Variants in EXOC6 observed in about 807,000 individuals in gnomAD.
EXOC6 encodes SEC15-like 1.
EXOC6 carries 60 observed loss-of-function variants against 112.5 expected under a neutral mutation model. That is an observed-to-expected ratio of 0.53 (90% CI 0.43 to 0.66). The LOEUF is 0.66. Among genes scored for constraint, EXOC6 ranks in the 30% least tolerant of loss-of-function variants. The pLI is 0.00. For missense variants in EXOC6, 855 were observed against 957.1 expected, an observed-to-expected ratio of 0.89 and a Z score of 1.41; for synonymous variants, 295 against 308.0, an observed-to-expected ratio of 0.96 and a Z score of 0.44.
chr10:92,963,189 A>C (rs1255487906), intron 17 of EXOC6, among the ~76,000 whole-genome samples: 1 of 152,210 alleles, frequency 6.6e-6, no homozygotes, highest in Non-Finnish European at 1.5e-5. Context: ...GTTTAAAATA[A>C]TGTTTGGTTT....
intron 12 of EXOC6, 79 bp downstream of exon 12, chr10:92,935,964 A>T: frequency 1.1e-6 from 1 of 879,114 alleles, no homozygotes. Context: ...CATTTATGTT[A>T]TTGTAGATTA....
At chr10:92,866,694 A>G (rs1008894674) in intron 1 of EXOC6, among the ~76,000 whole-genome samples, 2 of 152,040 alleles carry the variant, frequency 1.3e-5, no homozygotes, top group Non-Finnish European at 1.5e-5. Flanking sequence ...TGTGTTTAGG[A>G]AAAAAAATCT....
chr10:92,944,923 C>A (rs1852892075), intron 13 of EXOC6, among the ~76,000 whole-genome samples: 1 of 152,092 alleles, frequency 6.6e-6, no homozygotes. Context: ...CAGGCCTGCA[C>A]CACCACGTCC....
rs142317343 is a variant in EXOC6 at position 92,946,847 on chromosome 10, CTCTG to C, written c.1311-1423_1311-1420del. Among the ~76,000 whole-genome samples the C allele has an allele frequency of 3.8e-3, 579 of 152,340 alleles. 1 individual carries two copies. Among genetic ancestry groups the C allele is most frequent in the African/African-American group, 0.012 (507 of 41,580 alleles). On this transcript the variant is annotated intron_variant, in intron 13 of 21. Coordinates refer to ENST00000260762, the MANE Select transcript of EXOC6 (RefSeq NM_019053.6). ...AAAGACCCTACAGGACTACTCACTT[CTCTG>C]TCTAACTTTCCATGAGATGTTCTTC... is the stretch of plus-strand genomic sequence containing the variant.
chr10:92,950,726 G>A (rs977211104), intron 14 of EXOC6, among the ~76,000 whole-genome samples: 13 of 152,156 alleles, frequency 8.5e-5, no homozygotes, highest in Admixed American at 7.2e-4. Context: ...GTGTTAAAGA[G>A]TTTATCCTTT....
intron 13 of EXOC6, among the ~76,000 whole-genome samples, chr10:92,945,960 A>T (rs2133988509): frequency 6.6e-6 from 1 of 151,524 alleles, no homozygotes; most frequent in East Asian, 1.9e-4. Flanking sequence ...AGTGGCGCAC[A>T]CCCTGTAGTC....
intron 20 of EXOC6, among the ~76,000 whole-genome samples, chr10:93,042,820 C>T (rs1332613248): frequency 1.3e-5 from 2 of 151,990 alleles, no homozygotes; most frequent in Non-Finnish European, 1.5e-5. Flanking sequence ...AAATAATATC[C>T]AGAGTATTGA....
chr10:92,943,470 T>A (rs1852791669), intron 13 of EXOC6, among the ~76,000 whole-genome samples: 1 of 152,240 alleles, frequency 6.6e-6, no homozygotes, highest in Admixed American at 6.5e-5. Flanking sequence ...ACTTGACTAC[T>A]TCCATGATAG....
chr10:93,043,826 T>TTTC (rs1845892806), intron 20 of EXOC6, among the ~76,000 whole-genome samples: 6 of 152,188 alleles, frequency 3.9e-5, no homozygotes. Flanking sequence ...TTTTATTTAG[T>TTTC]TTCTCTTTTT....
chr10:93,026,967 G>A (rs1845055821), intron 20 of EXOC6, among the ~76,000 whole-genome samples: 1 of 152,188 alleles, frequency 6.6e-6, no homozygotes. Context: ...CATGTCGAAA[G>A]CTGATAGACC....
chr10:93,004,678 G>C (rs538071561), intron 19 of EXOC6, among the ~76,000 whole-genome samples: 1 of 152,146 alleles, frequency 6.6e-6, no homozygotes, highest in African/African-American at 2.4e-5. Context: ...TGGTCAAAGT[G>C]GATACAATGT....
chr10:92,950,324 A>AG (rs1853330031), intron 14 of EXOC6, among the ~76,000 whole-genome samples: 1 of 152,168 alleles, frequency 6.6e-6, no homozygotes. Flanking sequence ...TTATGAATGG[A>AG]GGAGTAATAG....
At chr10:92,867,751 G>A (rs960926746) in intron 1 of EXOC6, among the ~76,000 whole-genome samples, 2 of 152,168 alleles carry the variant, frequency 1.3e-5, no homozygotes, top group Non-Finnish European at 2.9e-5. Context: ...TATAGGATTT[G>A]GGAATGCTGA....
chr10:93,038,129 A>C (rs1169654034), intron 20 of EXOC6, among the ~76,000 whole-genome samples: 1 of 146,114 alleles, frequency 6.8e-6, no homozygotes, highest in Non-Finnish European at 1.5e-5. Flanking sequence ...GGTTTCTTTC[A>C]GTTTGGAGGA....
chr10:92,864,271 A>C (rs1241317450), intron 1 of EXOC6, among the ~76,000 whole-genome samples: 1 of 152,208 alleles, frequency 6.6e-6, no homozygotes, highest in East Asian at 1.9e-4. Context: ...AGATTAAGCA[A>C]ATGTTGCTAA....
chr10:92,958,457 C>T (rs372591375), intron 17 of EXOC6, among the ~76,000 whole-genome samples: 20 of 152,282 alleles, frequency 1.3e-4, no homozygotes, highest in African/African-American at 4.8e-4. Flanking sequence ...AGAAGAAATG[C>T]ACTTCTGATT....
chr10:92,880,565 AG>A (rs1848910215), intron 1 of EXOC6, among the ~76,000 whole-genome samples: 1 of 152,218 alleles, frequency 6.6e-6, no homozygotes, highest in South Asian at 2.1e-4. Context: ...TCAGTTCTCA[AG>A]GAACTTAGAA....
intron 19 of EXOC6, among the ~76,000 whole-genome samples, chr10:93,001,400 G>A (rs1372372018): frequency 1.3e-5 from 2 of 152,134 alleles, no homozygotes; most frequent in Non-Finnish European, 2.9e-5. Context: ...AATACATTTC[G>A]ATACAATACA....
intron 1 of EXOC6, among the ~76,000 whole-genome samples, chr10:92,864,781 G>A (rs758358588): frequency 8.6e-5 from 13 of 151,976 alleles, no homozygotes; most frequent in African/African-American, 3.1e-4. Flanking sequence ...GGGCTTACAC[G>A]AGCAGCCCCC....
Sources: allele counts gnomAD v4.1 joint callset (sites outside exome capture counted in the v4.1 genomes callset), GRCh38; gene constraint gnomAD v4.1.1; transcripts MANE v1.5; gene names NCBI Gene and HGNC (gene_info 2026-07-23, HGNC 2026-07-21).